Variants in INSYN2A observed in about 807,000 individuals in gnomAD.
INSYN2A encodes the protein family with sequence similarity 196 member A.
In INSYN2A, 17 loss-of-function variants were observed where a neutral mutation model predicts 39.4. The ratio of observed to expected loss-of-function variants is 0.43; its 90% CI spans 0.30 to 0.65. INSYN2A has a LOEUF of 0.65. Ranked by LOEUF, INSYN2A falls within the 30% of genes least tolerant of loss-of-function variation. The pLI, the probability that INSYN2A is intolerant of heterozygous loss-of-function variation, is 0.14. For missense variants in INSYN2A, 595 were observed against 631.2 expected (o/e 0.94, Z 0.61); for synonymous variants, 255 against 265.7 (o/e 0.96, Z 0.39).
At position 127,137,984 on chromosome 10, in the gene INSYN2A, G is replaced by C; in HGVS notation, c.1293C>G (p.Leu431=). 1.9e-6 allele frequency: 3 copies of C among 1,612,892 alleles called. No homozygotes were observed. The South Asian group carries it at 3.3e-5, about 18-fold the overall frequency. Residue 431 remains leucine (L), a synonymous_variant, in exon 6 of 6, where the codon CTC becomes CTG. Coordinates refer to ENST00000522781, the MANE Select transcript of INSYN2A (RefSeq NM_001039762.3). ...ELDFKQQEDK[L]QPVLRKLHPI... ...GGTGGAGTTTTCTTAGAACCGGCTG[G>C]AGTTTGTCTTCTTGCTGCTTAAAAT... is the stretch of plus-strand genomic sequence containing the variant.
intron 5 of INSYN2A, among the ~76,000 whole-genome samples, chr10:127,150,970 T>G (rs751512772): frequency 2.1e-4 from 32 of 152,206 alleles, no homozygotes; most frequent in South Asian, 4.1e-4. Context: ...ATCATTCAAA[T>G]GGGAGATTTC....
At chr10:127,188,651 C>T (rs2056490267) in intron 2 of INSYN2A, among the ~76,000 whole-genome samples, 1 of 152,168 alleles carries the variant, frequency 6.6e-6, no homozygotes, top group Non-Finnish European at 1.5e-5. Flanking sequence ...TTGAGACCAC[C>T]TGCTTGGATT....
intron 5 of INSYN2A, among the ~76,000 whole-genome samples, chr10:127,141,767 C>T (rs2051281757): frequency 1.3e-5 from 2 of 152,174 alleles, no homozygotes; most frequent in South Asian, 4.1e-4. Flanking sequence ...TGTGTCCTCC[C>T]CTGTGTCCTC....
intron 4 of INSYN2A, among the ~76,000 whole-genome samples, chr10:127,162,136 A>G (rs1445617332): frequency 6.6e-6 from 1 of 152,182 alleles, no homozygotes; most frequent in African/African-American, 2.4e-5. Flanking sequence ...CTGCAGATAT[A>G]TGTCAGGTGG....
chr10:127,146,985 G>A (rs565955223), intron 5 of INSYN2A, among the ~76,000 whole-genome samples: 1 of 152,296 alleles, frequency 6.6e-6, no homozygotes, highest in African/African-American at 2.4e-5. Context: ...GCCAGTGTGC[G>A]TGATTTTATC....
intron 4 of INSYN2A, among the ~76,000 whole-genome samples, chr10:127,165,434 G>A (rs1175261814): frequency 6.6e-6 from 1 of 152,114 alleles, no homozygotes. Context: ...CTTTGCTAGG[G>A]GGATAACCTA....
intron 4 of INSYN2A, among the ~76,000 whole-genome samples, chr10:127,166,781 T>C (rs1344817342): frequency 6.6e-6 from 1 of 152,210 alleles, no homozygotes; most frequent in African/African-American, 2.4e-5. Flanking sequence ...TTTCATTTTT[T>C]TTTTAAATCC....
intron 4 of INSYN2A, among the ~76,000 whole-genome samples, chr10:127,168,817 G>A (rs2054308005): frequency 1.3e-5 from 2 of 152,206 alleles, no homozygotes; most frequent in South Asian, 4.2e-4. Context: ...TTTATGCACA[G>A]CTGCTGCAGC....
chr10:127,139,694 C>G (rs1297590281), intron 5 of INSYN2A, among the ~76,000 whole-genome samples: 1 of 152,148 alleles, frequency 6.6e-6, no homozygotes, highest in Non-Finnish European at 1.5e-5. Flanking sequence ...GCCTCTTCCA[C>G]CTGATGCTGG....
rs560202632 is a variant in INSYN2A, at chr10:127,166,670, G to A, written c.1184+8542C>T. Among the ~76,000 whole-genome samples the A allele has an allele frequency of 3.9e-5, 6 of 152,296 alleles. No individual in the cohort carries two copies. In the East Asian group the frequency reaches 5.8e-4, roughly 15 times the overall value. On this transcript the variant is annotated intron_variant, in intron 4 of 5. Transcript: ENST00000522781. ...ATGGGGATTCTCATTTCACTAGAACGCTCCCTCAGCTCCAGTGGGAAATAG... is the reference window on the plus strand; with the variant it reads ...ATGGGGATTCTCATTTCACTAGAACACTCCCTCAGCTCCAGTGGGAAATAG...
chr10:127,176,237 G>A lies in INSYN2A; in HGVS notation c.159C>T (p.Cys53=), dbSNP rs767609347. 9.9e-6 allele frequency: 16 copies of A among 1,613,934 alleles called. No individual in the cohort carries two copies. In the East Asian group the frequency reaches 1.1e-4, roughly 11 times the overall value. Residue 53 remains cysteine, a synonymous_variant, in exon 4 of 6, where the codon TGC becomes TGT. Coordinates refer to ENST00000522781, the MANE Select transcript of INSYN2A (RefSeq NM_001039762.3). This position sits in a 1 kb window ranked among gnomAD's most constrained non-coding sequence, Gnocchi z 4.4. ...TGTCCCTCTGCTCATTCTGTGCCTC[G>A]CAGATATCCTTAAACCGCACCTGCA... ...KALQVRFKDI[C]EAQNEQRDTQ...
chr10:127,191,124 C>CTCCAGGACT (rs2056725769), intron 2 of INSYN2A, among the ~76,000 whole-genome samples: 1 of 152,090 alleles, frequency 6.6e-6, no homozygotes, highest in African/African-American at 2.4e-5. Context: ...TTGGCTTAAG[C>CTCCAGGACT]TCCAGGACTA....
rs376755065 is a variant in INSYN2A, at chr10:127,153,873, T to A, written c.1235A>T (p.Asn412Ile). The A allele has an allele frequency of 6.2e-7, 1 of 1,612,664 alleles. No homozygotes were observed. The highest frequency in any genetic ancestry group is 8.5e-7 in the Non-Finnish European group (1 of 1,178,668). ...ATACCTATAGATAATACATGCACTG[T>A]TCCTGCATGTGTCACAATTAGCTGT... is the stretch of plus-strand genomic sequence containing the variant. The part of the protein sequence containing the change: ...QDTANCDTCR[N>I]SACIIYSVEL... The change falls in exon 5 of 6, where the codon AAC becomes ATC. Residue 412 changes from asparagine (N) to isoleucine (I), a missense_variant. Transcript: ENST00000522781.
At chr10:127,156,655 G>A (rs1311127212) in intron 4 of INSYN2A, among the ~76,000 whole-genome samples, 12 of 128,902 alleles carry the variant, frequency 9.3e-5, no homozygotes, top group South Asian at 5.5e-4. Flanking sequence ...CACAACCTCC[G>A]CCTCCTGGGT....
intron 4 of INSYN2A, among the ~76,000 whole-genome samples, chr10:127,156,882 T>C (rs2053139434): frequency 6.6e-6 from 1 of 152,202 alleles, no homozygotes; most frequent in African/African-American, 2.4e-5. Context: ...ATATTGCTCT[T>C]CTAAAGCCCT....
At chr10:127,195,635 GT>G (rs1293453718) in intron 1 of INSYN2A, among the ~76,000 whole-genome samples, 5 of 152,160 alleles carry the variant, frequency 3.3e-5, no homozygotes. Context: ...AGATCTCCCA[GT>G]TTTGCCTGGC....
chr10:127,145,347 C>A, intron 5 of INSYN2A, among the ~76,000 whole-genome samples: 1 of 152,318 alleles, frequency 6.6e-6, no homozygotes, highest in African/African-American at 2.4e-5. Context: ...GTCTATGAAG[C>A]ATATCTTATG....
chr10:127,176,326 G>A lies in INSYN2A; in HGVS notation c.70C>T (p.Leu24=). 1 of 1,614,016 alleles carries A rather than the reference G, an allele frequency of 6.2e-7. No homozygotes were observed. The highest frequency in any genetic ancestry group is 1.1e-5 in the South Asian group (1 of 91,074). ...AGGGCGTATTTCATCTCCAGGGCCA[G>A]GCAGGCGGCGGGTTCCACTTCACTC... The part of the protein sequence containing the change: ...SESEVEPAAC[L]ALEMKYALDP... Residue 24 remains leucine, a synonymous_variant, in exon 4 of 6, where the codon CTG becomes TTG. Coordinates refer to ENST00000522781, the MANE Select transcript of INSYN2A (RefSeq NM_001039762.3). The surrounding 1 kb of genome is among the most constrained non-coding windows in gnomAD (Gnocchi z 4.4).
At position 127,175,807 on chromosome 10, in the gene INSYN2A, T is replaced by C; in HGVS notation, c.589A>G (p.Lys197Glu). The part of the protein sequence containing the change: ...PLGVNCTEPC[K>E]SPEPLSYGEA... ...CCATAGCTGAGCGGCTCCGGGCTTT[T>C]ACAGGGCTCTGTGCAGTTGACCCCC... The change falls in exon 4 of 6, where the codon AAA becomes GAA. Residue 197 changes from lysine to glutamate, a missense_variant. Lys to Glu is a moderately conservative substitution (Grantham distance 56). This residue lies in a region of INSYN2A where 478 missense variants were observed against 467.4 expected (regional missense o/e 1.02). Transcript: ENST00000522781. This position sits in a 1 kb window ranked among gnomAD's most constrained non-coding sequence, Gnocchi z 6.3. 6.2e-7 allele frequency: 1 copy of C among 1,614,152 alleles called. No homozygotes were observed. The highest frequency in any genetic ancestry group is 8.5e-7 in the Non-Finnish European group (1 of 1,180,022).
Sources: allele counts gnomAD v4.1 joint callset (sites outside exome capture counted in the v4.1 genomes callset), GRCh38; gene constraint gnomAD v4.1.1; regional missense constraint gnomAD v4.1.1; non-coding constraint Gnocchi (gnomAD v3.1); transcripts MANE v1.5; gene names NCBI Gene and HGNC (gene_info 2026-07-23, HGNC 2026-07-21).